Variants in SERPINA12 observed in about 807,000 individuals in gnomAD.
The protein encoded by SERPINA12 is serpin A12.
Under a neutral mutation model 25.9 loss-of-function variants are expected in SERPINA12, and 21 were observed. The observed-to-expected ratio is 0.81, with a 90% CI of 0.58 to 1.17. The LOEUF (loss-of-function observed/expected upper bound fraction) is 1.17. Ranked by LOEUF, SERPINA12 falls within the 50% of genes most tolerant of loss-of-function variation. The pLI is 0.00. For missense variants in SERPINA12, 562 were observed against 508.3 expected, an observed-to-expected ratio of 1.11 and a Z score of -1.02; for synonymous variants, 220 against 196.0, an observed-to-expected ratio of 1.12 and a Z score of -1.02.
At chr14:94,506,925 C>T (rs1279124979) in intron 1 of SERPINA12, among the ~76,000 whole-genome samples, 2 of 152,158 alleles carry the variant, frequency 1.3e-5, no homozygotes, top group African/African-American at 4.8e-5. Flanking sequence ...TGTAAAGCCA[C>T]AGTATTAAGG....
chr14:94,495,064 C>CTTTTT lies in SERPINA12; in HGVS notation c.905+1304_905+1308dup, dbSNP rs71129685. On this transcript the variant is annotated intron_variant, in intron 3 of 4. Coordinates refer to ENST00000677451, the MANE Select transcript of SERPINA12 (RefSeq NM_001382267.1). The stretch of plus-strand genomic sequence containing the variant: ...GCATTCGGAATCAGAATTTCCCTTT[C>CTTTTT]TTTTTTTTTTTTTTTTTTTTTTGAG... Among the ~76,000 whole-genome samples, 172 of 98,198 alleles carry CTTTTT rather than the reference C, an allele frequency of 1.8e-3. 3 individuals are homozygous for CTTTTT. Among genetic ancestry groups the CTTTTT allele is most frequent in the Middle Eastern group, 6.7e-3 (1 of 150 alleles). The allele number at this position is 98,198 out of a possible 152,430, so 64.4% of individuals were successfully genotyped here.
At chr14:94,504,601 A>G (rs1900867305) in intron 1 of SERPINA12, among the ~76,000 whole-genome samples, 1 of 152,234 alleles carries the variant, frequency 6.6e-6, no homozygotes, top group African/African-American at 2.4e-5. Flanking sequence ...CTTAGCTCAC[A>G]TGGAGTCCTT....
At chr14:94,511,971 A>G (rs1440472345), upstream of SERPINA12, among the ~76,000 whole-genome samples, 1 of 152,050 alleles carries the variant, frequency 6.6e-6, no homozygotes, top group Non-Finnish European at 1.5e-5. Flanking sequence ...GGTGTCTCGC[A>G]CCAGTGGTCC....
At chr14:94,509,884 C>T (rs1274618959), upstream of SERPINA12, 2 of 720,674 alleles carry the variant, frequency 2.8e-6, no homozygotes, top group African/African-American at 3.8e-5. Context: ...ATCGTCCACC[C>T]CAGATTCCTT....
chr14:94,501,767 G>A (rs375009885), intron 1 of SERPINA12, among the ~76,000 whole-genome samples: 16 of 146,940 alleles, frequency 1.1e-4, no homozygotes, highest in African/African-American at 3.2e-4. Flanking sequence ...AGTCTCCACC[G>A]GGCCTCCTGC....
At chr14:94,515,534 C>T (rs1300900398) in intron 2 of SERPINA12, among the ~76,000 whole-genome samples, 4 of 152,202 alleles carry the variant, frequency 2.6e-5, no homozygotes, top group Non-Finnish European at 5.9e-5. Context: ...ATCCCAGGGT[C>T]TGTGCCTGCA....
chr14:94,499,315 C>T (rs1900612919), intron 1 of SERPINA12, among the ~76,000 whole-genome samples: 1 of 152,172 alleles, frequency 6.6e-6, no homozygotes. Flanking sequence ...CTCTGGACTG[C>T]TGCTCCTTTC....
intron 1 of SERPINA12, 115 bp from the exon 2 acceptor site, chr14:94,498,545 T>TACA (rs1900573902): frequency 1.2e-6 from 1 of 817,456 alleles, no homozygotes. Context: ...TAGCAGTTTA[T>TACA]GAGTGCTTTG....
chr14:94,510,240 A>G (rs1318493089), upstream of SERPINA12: 17 of 985,292 alleles, frequency 1.7e-5, no homozygotes, highest in Non-Finnish European at 1.8e-5. Flanking sequence ...GCTGTCAATC[A>G]ATTTCACTTA....
chr14:94,487,380 A>G lies in SERPINA12; in HGVS notation c.1168T>C (p.Tyr390His). The G allele has an allele frequency of 1.2e-6, 2 of 1,614,112 alleles. No individual in the cohort carries two copies. The highest frequency in any genetic ancestry group is 1.7e-6 in the Non-Finnish European group (2 of 1,179,988). The change falls in exon 5 of 5, where the codon TAT becomes CAT. Residue 390 changes from tyrosine to histidine, a missense_variant. By Grantham distance (83) the Tyr-to-His change is moderately conservative. Coordinates refer to ENST00000677451, the MANE Select transcript of SERPINA12 (RefSeq NM_001382267.1). ...TTCTCGCTGTAAATCAGCAGCAGAT[A>G]GGGTTTGTCTATCTTGACGACGAGT... ...TPLVVKIDKP[Y>H]LLLIYSEKIP...
At chr14:94,510,551 A>C (rs533083869), upstream of SERPINA12, among the ~76,000 whole-genome samples, 2 of 152,312 alleles carry the variant, frequency 1.3e-5, no homozygotes, top group African/African-American at 4.8e-5. Context: ...CAGTATGGAG[A>C]TTCCTTAAGG....
In SERPINA12 at chr14:94,498,343, C is replaced by A; in HGVS notation, c.55G>T (p.Gly19Cys). Residue 19 changes from glycine (G) to cysteine (C), a missense_variant, in exon 2 of 5, where the codon GGT becomes TGT. Physicochemically the swap from Gly to Cys is radical, Grantham distance 159 (BLOSUM62 -3). Coordinates refer to ENST00000677451, the MANE Select transcript of SERPINA12 (RefSeq NM_001382267.1). ...IFLAVLLTVK[G>C]LLKPSFSPRN... ...GGTGAGAAGCTCGGCTTTAGAAGAC[C>A]TTTCACCGTGAGGAGAACAGCCAGA... 1 of 1,614,164 alleles carries A rather than the reference C, an allele frequency of 6.2e-7. No homozygotes were observed. The highest frequency in any genetic ancestry group is 2.2e-5 in the East Asian group (1 of 44,878).
At chr14:94,489,238 AAGAG>A (rs547216186) in intron 4 of SERPINA12, among the ~76,000 whole-genome samples, 1 of 151,828 alleles carries the variant, frequency 6.6e-6, no homozygotes, top group Admixed American at 6.6e-5. Context: ...AGAGGAAAGA[AAGAG>A]AGAGAGAAAG....
intron 3 of SERPINA12, among the ~76,000 whole-genome samples, chr14:94,491,989 C>T (rs2281609): frequency 0.04 from 6,030 of 152,098 alleles, 409 homozygotes; most frequent in East Asian, 0.31. Flanking sequence ...GGAACTGAGC[C>T]CTGAGACACT....
At chr14:94,502,330 C>T in intron 1 of SERPINA12, among the ~76,000 whole-genome samples, 1 of 152,114 alleles carries the variant, frequency 6.6e-6, no homozygotes, top group Non-Finnish European at 1.5e-5. Context: ...TGGGAAGCGT[C>T]CGCACAGGTA....
chr14:94,499,647 A>G (rs1900628181), intron 1 of SERPINA12, among the ~76,000 whole-genome samples: 1 of 152,124 alleles, frequency 6.6e-6, no homozygotes, highest in Non-Finnish European at 1.5e-5. Context: ...AAGGTTTTTC[A>G]TGGTTGTCTT....
At position 94,498,032 on chromosome 14, in the gene SERPINA12, C is replaced by T. The variant is rs769877436; in HGVS notation, c.366G>A (p.Glu122=). 1.2e-6 allele frequency: 2 copies of T among 1,614,150 alleles called. No individual in the cohort carries two copies. Among genetic ancestry groups the T allele is most frequent in the South Asian group, 1.1e-5 (1 of 91,074 alleles). ...LHEGFHYIIH[E]LTQKTQDLKL... ...TGAGGTCCTGGGTCTTCTGGGTCAG[C>T]TCGTGGATGATGTAATGGAAGCCCT... Residue 122 remains glutamate (E), a synonymous_variant, in exon 2 of 5, where the codon GAG becomes GAA. Transcript: ENST00000677451.
chr14:94,503,841 G>T (rs116252237), intron 1 of SERPINA12, among the ~76,000 whole-genome samples: 203 of 152,312 alleles, frequency 1.3e-3, no homozygotes, highest in African/African-American at 3.7e-3. Flanking sequence ...TGCAGCAGGG[G>T]TGGACCCAAA....
upstream of SERPINA12, chr14:94,510,073 G>T: frequency 1.0e-6 from 1 of 985,398 alleles, no homozygotes; most frequent in East Asian, 1.1e-4. Context: ...GCCTGGGCCT[G>T]TGGTCTGGGT....
Sources: allele counts gnomAD v4.1 joint callset (sites outside exome capture counted in the v4.1 genomes callset), GRCh38; gene constraint gnomAD v4.1.1; transcripts MANE v1.5; gene names NCBI Gene and HGNC (gene_info 2026-07-23, HGNC 2026-07-21).